Variants in ATP6V0D2 observed in about 807,000 individuals in gnomAD.
The protein encoded by ATP6V0D2 is V-type proton ATPase subunit d 2.
ATP6V0D2 carries 40 observed loss-of-function variants against 40.0 expected under a neutral mutation model. The ratio of observed to expected loss-of-function variants is 1.00; its 90% CI spans 0.78 to 1.30. The LOEUF is 1.30. Ranked by LOEUF, ATP6V0D2 falls within the 50% of genes most tolerant of loss-of-function variation. The pLI, the probability that ATP6V0D2 is intolerant of heterozygous loss-of-function variation, is 0.00. For synonymous variants in ATP6V0D2, 179 were observed against 156.3 expected (o/e 1.15, Z -1.08); for missense variants, 470 against 423.1 (o/e 1.11, Z -0.97).
At chr8:86,136,340 C>T (rs1332979596) in intron 2 of ATP6V0D2, among the ~76,000 whole-genome samples, 5 of 152,136 alleles carry the variant, frequency 3.3e-5, no homozygotes, top group Non-Finnish European at 5.9e-5. Context: ...GCTGGTCGCC[C>T]GTCAACGTTG....
At chr8:86,146,553 G>A (rs559411003) in intron 5 of ATP6V0D2, among the ~76,000 whole-genome samples, 53 of 152,154 alleles carry the variant, frequency 3.5e-4, no homozygotes, top group African/African-American at 1.2e-3. Flanking sequence ...GAAATTAACC[G>A]GGCATGGTGG....
intron 2 of ATP6V0D2, among the ~76,000 whole-genome samples, chr8:86,120,947 CT>C (rs1232937437): frequency 6.6e-6 from 1 of 152,106 alleles, no homozygotes; most frequent in Non-Finnish European, 1.5e-5. Context: ...TCAGTAGATT[CT>C]GATCTAGTTG....
In ATP6V0D2 at chr8:86,152,947, T is replaced by A. The variant is rs755739722; in HGVS notation, c.1023T>A (p.Thr341=). 33 of 1,607,190 alleles carry A rather than the reference T, an allele frequency of 2.1e-5. No individual in the cohort carries two copies. Among genetic ancestry groups the A allele is most frequent in the Non-Finnish European group, 2.8e-5 (33 of 1,177,980 alleles). ...IAECISQRHR[T]KINSYIPIL ...AATGTATTTCACAGAGGCATCGAAC[T>A]AAAATCAACAGTTACATTCCAATTT... is the stretch of plus-strand genomic sequence containing the variant. The change falls in exon 8 of 8, where the codon ACT becomes ACA. Residue 341 remains threonine, a synonymous_variant. Coordinates refer to ENST00000285393, the MANE Select transcript of ATP6V0D2 (RefSeq NM_152565.1).
chr8:86,112,965 C>T lies in ATP6V0D2; in HGVS notation c.131-744C>T, dbSNP rs760580030. On this transcript the variant is annotated intron_variant, in intron 1 of 7. Transcript: ENST00000285393. ...ATAAAAGGATACTGAAACAGAGCACCGATGGCTGCCCGTGCCACCTGCCCC... is the reference window on the plus strand; with the variant it reads ...ATAAAAGGATACTGAAACAGAGCACTGATGGCTGCCCGTGCCACCTGCCCC... Among the ~76,000 whole-genome samples, 156 of 152,030 alleles carry T rather than the reference C, an allele frequency of 1.0e-3. 1 individual carries two copies. The highest frequency in any genetic ancestry group is 2.0e-3 in the Non-Finnish European group (135 of 68,010).
intron 4 of ATP6V0D2, among the ~76,000 whole-genome samples, chr8:86,142,005 A>C (rs11777360): frequency 0.12 from 18,959 of 152,228 alleles, 1,304 homozygotes; most frequent in Non-Finnish European, 0.16. Flanking sequence ...ACACTGCATC[A>C]TAGGTACCAC....
intron 3 of ATP6V0D2, among the ~76,000 whole-genome samples, chr8:86,140,154 T>A (rs1277059250): frequency 6.6e-6 from 1 of 152,178 alleles, no homozygotes; most frequent in Non-Finnish European, 1.5e-5. Context: ...GAAGCAATGA[T>A]GAAATGATTG....
intron 2 of ATP6V0D2, among the ~76,000 whole-genome samples, chr8:86,133,275 G>A (rs1043340035): frequency 3.5e-5 from 5 of 143,102 alleles, no homozygotes; most frequent in African/African-American, 1.3e-4. Flanking sequence ...GTTCTCTCTA[G>A]CCAAAGGACC....
chr8:86,125,770 A>G (rs1051802230), intron 2 of ATP6V0D2, among the ~76,000 whole-genome samples: 5 of 152,144 alleles, frequency 3.3e-5, no homozygotes, highest in African/African-American at 1.2e-4. Context: ...AAATATAAAT[A>G]TGCATAGTTG....
intron 2 of ATP6V0D2, among the ~76,000 whole-genome samples, chr8:86,133,563 C>T (rs1240383997): frequency 6.6e-6 from 1 of 151,770 alleles, no homozygotes; most frequent in African/African-American, 2.4e-5. Context: ...CCTTGTGATA[C>T]ACCCACCTCA....
chr8:86,132,499 G>T (rs1212327229), intron 2 of ATP6V0D2, among the ~76,000 whole-genome samples: 4 of 151,678 alleles, frequency 2.6e-5, no homozygotes, highest in Non-Finnish European at 5.9e-5. Flanking sequence ...ACCATTCCTA[G>T]CCTCTATTAT....
At chr8:86,143,183 T>C (rs377200273) in intron 5 of ATP6V0D2, among the ~76,000 whole-genome samples, 4 of 152,162 alleles carry the variant, frequency 2.6e-5, no homozygotes, top group East Asian at 3.8e-4. Context: ...AGCTTGGAAT[T>C]AGAAAATAAT....
chr8:86,151,626 A>G (rs1819154616), intron 7 of ATP6V0D2, 86 bp downstream of exon 7: 2 of 1,053,512 alleles, frequency 1.9e-6, no homozygotes, highest in Non-Finnish European at 2.8e-6. Context: ...TTCTTTTTAC[A>G]GCTGATCATG....
chr8:86,103,071 C>T (rs1389108096), intron 1 of ATP6V0D2, among the ~76,000 whole-genome samples: 1 of 151,980 alleles, frequency 6.6e-6, no homozygotes, highest in African/African-American at 2.4e-5. Context: ...CATATGACAA[C>T]AGTGTCCACT....
intron 2 of ATP6V0D2, among the ~76,000 whole-genome samples, chr8:86,126,265 T>TATATATATATATATATA (rs1554588461): frequency 7.2e-6 from 1 of 138,966 alleles, no homozygotes; most frequent in African/African-American, 2.6e-5. Flanking sequence ...TATATATATC[T>TATATATATATATATATA]TTTTGTATAT....
intron 7 of ATP6V0D2, among the ~76,000 whole-genome samples, chr8:86,151,975 G>T (rs1269627951): frequency 1.3e-5 from 2 of 151,930 alleles, no homozygotes; most frequent in Non-Finnish European, 2.9e-5. Flanking sequence ...TGCAGAATGT[G>T]CAGGTTTTGT....
At chr8:86,126,244 A>ATATATATATATATG (rs1818741955) in intron 2 of ATP6V0D2, among the ~76,000 whole-genome samples, 1 of 123,208 alleles carries the variant, frequency 8.1e-6, no homozygotes, top group Admixed American at 8.0e-5. Flanking sequence ...GCCTATATAT[A>ATATATATATATATG]TATATATATA....
intron 1 of ATP6V0D2, among the ~76,000 whole-genome samples, chr8:86,110,849 G>A (rs1197923990): frequency 1.3e-5 from 2 of 152,108 alleles, no homozygotes; most frequent in East Asian, 3.9e-4. Context: ...GGATAGGACA[G>A]GACAGGACAG....
At chr8:86,143,045 ATT>A (rs11317974) in intron 5 of ATP6V0D2, 91 bp downstream of exon 5, 13 of 806,302 alleles carry the variant, frequency 1.6e-5, no homozygotes, top group Admixed American at 7.7e-5. Context: ...TTATCTTTGA[ATT>A]TTTTTTTAAT....
chr8:86,145,267 A>G (rs1448379725), intron 5 of ATP6V0D2, among the ~76,000 whole-genome samples: 193 of 81,474 alleles, frequency 2.4e-3, no homozygotes, highest in African/African-American at 4.3e-3. Context: ...GAAAGAAAGA[A>G]AGAAAGAAAG....
Sources: gnomAD v4.1 joint callset for allele counts (sites outside exome capture counted in the v4.1 genomes callset) on GRCh38, gnomAD v4.1.1 for gene constraint, MANE v1.5 for transcripts, NCBI Gene and HGNC (gene_info 2026-07-23, HGNC 2026-07-21) for gene names.